PITPNC1: variants seen among roughly 807,000 people sequenced by gnomAD.
PITPNC1 encodes phosphatidylinositol transfer protein cytoplasmic 1.
A neutral mutation model predicts 44.7 loss-of-function variants in PITPNC1; 18 were observed. The observed-to-expected ratio is 0.40, with a 90% confidence interval of 0.28 to 0.60. The LOEUF (loss-of-function observed/expected upper bound fraction) is 0.60. Ranked by LOEUF, PITPNC1 falls within the 20% of genes least tolerant of loss-of-function variation. PITPNC1 has a pLI of 0.39. For synonymous variants in PITPNC1, 141 were observed against 149.6 expected, an observed-to-expected ratio of 0.94 and a Z score of 0.42; for missense variants, 290 against 418.4, an observed-to-expected ratio of 0.69 and a Z score of 2.68.
intron 5 of PITPNC1, among the ~76,000 whole-genome samples, chr17:67,610,942 G>T (rs943592443): frequency 3.4e-5 from 5 of 148,316 alleles, no homozygotes; most frequent in Non-Finnish European, 6.0e-5. Flanking sequence ...AAAAGAAAAA[G>T]AAAAGAAAAA....
intron 5 of PITPNC1, among the ~76,000 whole-genome samples, chr17:67,618,364 C>CAAAAAAA (rs11417487): frequency 7.8e-5 from 6 of 76,854 alleles, no homozygotes; most frequent in South Asian, 6.1e-4. Context: ...GACTCCGTCT[C>CAAAAAAA]AAAAAAAAAA....
chr17:67,615,073 C>T (rs892058960), intron 5 of PITPNC1, among the ~76,000 whole-genome samples: 3 of 152,248 alleles, frequency 2.0e-5, no homozygotes, highest in East Asian at 3.9e-4. Flanking sequence ...CTGTCTTACC[C>T]GTGCCTGGAG....
chr17:67,676,641 G>A lies in PITPNC1; in HGVS notation c.682+1099G>A, dbSNP rs2042607479. Among the ~76,000 whole-genome samples, 1 of 152,022 alleles carries A rather than the reference G, an allele frequency of 6.6e-6. No individual in the cohort carries two copies. Among genetic ancestry groups the A allele is most frequent in the Non-Finnish European group, 1.5e-5 (1 of 68,034 alleles). On this transcript the variant is annotated intron_variant, in intron 8 of 8. Transcript: ENST00000581322. The surrounding 1 kb of genome is among the most constrained non-coding windows in gnomAD (Gnocchi z 4.0). Reference sequence around the variant, plus strand: ...TTAAATTTGTTCTGAGTATAACCTAGATTGCATTTTGGTCCTTTTCTGTCA... The same window carrying A: ...TTAAATTTGTTCTGAGTATAACCTAAATTGCATTTTGGTCCTTTTCTGTCA...
At position 67,378,144 on chromosome 17, in the gene PITPNC1, C is replaced by T. The variant is rs1231210784; in HGVS notation, c.-11C>T. 2.6e-6 allele frequency: 4 copies of T among 1,531,346 alleles called. No individual in the cohort carries two copies. The highest frequency in any genetic ancestry group is 3.5e-6 in the Non-Finnish European group (4 of 1,141,250). The allele number at this position is 1,531,346 out of a possible 1,614,324, so 94.9% of individuals were successfully genotyped here. A position where few individuals can be genotyped will look rare whatever the true frequency, so the allele number is the denominator to read the frequency against. ...CGCTTCCCGCCCCGGGGGTCCGCGG[C>T]CGGCAGGACCATGCTGCTGAAAGAG... On this transcript the variant is annotated 5_prime_UTR_variant, in exon 1 of 9. Transcript: ENST00000581322.
chr17:67,566,371 T>G (rs904167357), intron 4 of PITPNC1, among the ~76,000 whole-genome samples: 4 of 152,114 alleles, frequency 2.6e-5, no homozygotes, highest in Non-Finnish European at 1.5e-5. Flanking sequence ...GCCCAGCTAA[T>G]TTTTGTATTT....
chr17:67,401,779 GTTGCAGTTAGCCGGGA>G (rs1323283552), intron 1 of PITPNC1, among the ~76,000 whole-genome samples: 1 of 151,832 alleles, frequency 6.6e-6, no homozygotes, highest in Non-Finnish European at 1.5e-5. Flanking sequence ...GGAGGCGGAG[GTTGCAGTTAGCCGGGA>G]TTGCGCCACT....
rs1568047887 is a variant in PITPNC1, at chr17:67,575,869, T to TC, written c.295-2316dup. ...TTCTTTCTTTCTTTCCTTCCTTCTT[T>TC]CTTTCTTTCCTTTTTTTTTTTTTTT... On this transcript the variant is annotated intron_variant, in intron 4 of 8. Transcript: ENST00000581322. Among the ~76,000 whole-genome samples, 203 of 51,104 alleles carry TC rather than the reference T, an allele frequency of 4.0e-3. 5 individuals are homozygous for TC. Among genetic ancestry groups the TC allele is most frequent in the African/African-American group, 0.014 (195 of 14,334 alleles). The allele number at this position is 51,104 out of a possible 152,430, so 33.5% of individuals were successfully genotyped here. A position where few individuals can be genotyped will look rare whatever the true frequency, so the allele number is the denominator to read the frequency against.
chr17:67,418,876 G>A (rs1017531259), intron 1 of PITPNC1, among the ~76,000 whole-genome samples: 3 of 151,872 alleles, frequency 2.0e-5, no homozygotes, highest in Admixed American at 6.6e-5. Flanking sequence ...CCACCCCACC[G>A]GGCCTGAATT....
intron 4 of PITPNC1, among the ~76,000 whole-genome samples, chr17:67,560,367 G>C (rs2040890461): frequency 6.6e-6 from 1 of 152,186 alleles, no homozygotes; most frequent in African/African-American, 2.4e-5. Context: ...CTATTACTCA[G>C]ATACCAAAGT....
chr17:67,495,057 T>TG (rs1491180004), intron 1 of PITPNC1, among the ~76,000 whole-genome samples: 10 of 100,470 alleles, frequency 1.0e-4, no homozygotes, highest in African/African-American at 3.3e-4. Flanking sequence ...TTTTTGTTTT[T>TG]TTTTTTTTTT....
chr17:67,555,446 C>T (rs1197987994), intron 4 of PITPNC1, among the ~76,000 whole-genome samples: 1 of 152,118 alleles, frequency 6.6e-6, no homozygotes, highest in African/African-American at 2.4e-5. Flanking sequence ...TAGCACACTG[C>T]CTGTATACAG....
At chr17:67,580,013 A>G (rs1220272854) in intron 5 of PITPNC1, among the ~76,000 whole-genome samples, 1 of 152,206 alleles carries the variant, frequency 6.6e-6, no homozygotes, top group Non-Finnish European at 1.5e-5. Flanking sequence ...AAAGAAAGGA[A>G]AAACCAATAG....
chr17:67,691,175 C>G (rs1007420431), intron 8 of PITPNC1, among the ~76,000 whole-genome samples: 2 of 151,986 alleles, frequency 1.3e-5, no homozygotes, highest in African/African-American at 2.4e-5. Context: ...GAAGAGATAT[C>G]AAGCCATAAA....
chr17:67,445,054 G>C (rs2039076224), intron 1 of PITPNC1, among the ~76,000 whole-genome samples: 1 of 151,962 alleles, frequency 6.6e-6, no homozygotes, highest in African/African-American at 2.4e-5. Context: ...TGATTTTAGG[G>C]AGGTAACAGA....
chr17:67,408,256 G>A (rs765603612), intron 1 of PITPNC1, among the ~76,000 whole-genome samples: 46 of 152,282 alleles, frequency 3.0e-4, no homozygotes, highest in Non-Finnish European at 1.8e-4. Context: ...GCCTGGCCTA[G>A]GATCAACATT....
rs778429473 is a variant in PITPNC1, at chr17:67,692,697, A to G, written c.808A>G (p.Ser270Gly). The G allele has an allele frequency of 7.3e-5, 117 of 1,613,706 alleles. No individual in the cohort carries two copies. The Middle Eastern group carries it at 9.9e-4, about 14-fold the overall frequency. The change falls in exon 9 of 9, where the codon AGT (serine) becomes GGT (glycine). Residue 270 changes from serine (S) to glycine (G), a missense_variant. Ser to Gly is a moderately conservative substitution (Grantham distance 56, BLOSUM62 0). Coordinates refer to ENST00000581322, the MANE Select transcript of PITPNC1 (RefSeq NM_012417.4). ...CCCCCTGCTGCCTTCTTCCGTCCGC[A>G]GTGCGCCTTCTAGTGCTCCATCCAC... ...SIPLLPSSVR[S>G]APSSAPSTPL...
At chr17:67,382,916 G>GC (rs34759746) in intron 1 of PITPNC1, among the ~76,000 whole-genome samples, 3 of 151,972 alleles carry the variant, frequency 2.0e-5, no homozygotes, top group Admixed American at 2.0e-4. Context: ...ATGAGCCACT[G>GC]CCCCCGGATG....
intron 1 of PITPNC1, among the ~76,000 whole-genome samples, chr17:67,427,226 T>C (rs1260061731): frequency 6.6e-6 from 1 of 152,170 alleles, no homozygotes; most frequent in Non-Finnish European, 1.5e-5. Flanking sequence ...TATTTATTTT[T>C]TTGAGACAGA....
At chr17:67,519,840 C>T (rs2040303788) in intron 1 of PITPNC1, among the ~76,000 whole-genome samples, 1 of 152,144 alleles carries the variant, frequency 6.6e-6, no homozygotes, top group African/African-American at 2.4e-5. Flanking sequence ...TTACCAGAAC[C>T]CCAAAACCAC....
Sources: allele counts gnomAD v4.1 joint callset (sites outside exome capture counted in the v4.1 genomes callset), GRCh38; gene constraint gnomAD v4.1.1; non-coding constraint Gnocchi (gnomAD v3.1); transcripts MANE v1.5; gene names NCBI Gene and HGNC (gene_info 2026-07-23, HGNC 2026-07-21).